Variants in PCYOX1 observed in about 807,000 individuals in gnomAD.
The protein encoded by PCYOX1 is prenylcysteine lyase.
In PCYOX1, 46 loss-of-function variants were observed where a neutral mutation model predicts 46.4. The observed-to-expected ratio is 0.99, with a 90% CI of 0.78 to 1.27. The LOEUF is 1.27. PCYOX1 is among the 50% of genes most tolerant of loss of function. The probability of loss-of-function intolerance (pLI) is 0.00; values close to 1 mark genes in which losing one functional copy is unlikely to be tolerated. For synonymous variants in PCYOX1, 220 were observed against 231.8 expected (o/e 0.95, Z 0.46); for missense variants, 658 against 628.3 (o/e 1.05, Z -0.51).
chr2:70,265,357 A>AT (rs1159227414), intron 3 of PCYOX1, among the ~76,000 whole-genome samples: 5 of 151,858 alleles, frequency 3.3e-5, no homozygotes, highest in Admixed American at 1.3e-4. Context: ...TGCTTGGCTA[A>AT]TTTTTTAAAT....
rs973201204 is a variant in PCYOX1, at chr2:70,279,335, G to T, written c.*1943G>T. ...TTTTATTCTTAACAGATATGTTGAG[G>T]TATTCATATTTGTTTCCTTTTGTGG... On this transcript the variant is annotated 3_prime_UTR_variant, in exon 6 of 6. Coordinates refer to ENST00000433351, the MANE Select transcript of PCYOX1 (RefSeq NM_016297.4). 6.6e-6 allele frequency: 1 copy of T among 152,114 alleles called. No homozygotes were observed. Among genetic ancestry groups the T allele is most frequent in the African/African-American group, 2.4e-5 (1 of 41,410 alleles). The allele number at this position is 152,114 out of a possible 1,614,324, so 9.4% of individuals were successfully genotyped here. A position where few individuals can be genotyped will look rare whatever the true frequency, so the allele number is the denominator to read the frequency against.
At chr2:70,262,953 G>T (rs1326826917) in intron 3 of PCYOX1, among the ~76,000 whole-genome samples, 3 of 152,172 alleles carry the variant, frequency 2.0e-5, no homozygotes, top group Non-Finnish European at 4.4e-5. Context: ...GTTAAGCAGG[G>T]CTGGGCACAG....
intron 4 of PCYOX1, 47 bp downstream of exon 4, chr2:70,275,217 C>T: frequency 1.4e-6 from 2 of 1,420,256 alleles, no homozygotes; most frequent in Non-Finnish European, 2.0e-6. Context: ...CACAGAGGGG[C>T]TTACCTGATG....
At chr2:70,269,902 T>C (rs188217983) in intron 3 of PCYOX1, among the ~76,000 whole-genome samples, 55 of 152,360 alleles carry the variant, frequency 3.6e-4, no homozygotes, top group African/African-American at 1.3e-3. Context: ...AAACTCGTTG[T>C]GTTCTCTCCA....
rs759917758 is a variant in PCYOX1, at chr2:70,277,419, AG to A, written c.*28del. The stretch of plus-strand genomic sequence containing the variant: ...GTGACACACTCCTTTTTCCCCTCCT[AG>A]TTCCAAATGACTATCAGTGGCAAAA... On this transcript the variant is annotated 3_prime_UTR_variant, in exon 6 of 6. Coordinates refer to ENST00000433351, the MANE Select transcript of PCYOX1 (RefSeq NM_016297.4). The A allele has an allele frequency of 2.0e-6, 3 of 1,538,222 alleles. No individual in the cohort carries two copies. Among genetic ancestry groups the A allele is most frequent in the Non-Finnish European group, 2.6e-6 (3 of 1,132,226 alleles).
intron 5 of PCYOX1, among the ~76,000 whole-genome samples, chr2:70,276,352 G>A (rs1288399544): frequency 6.7e-6 from 1 of 148,440 alleles, no homozygotes; most frequent in Non-Finnish European, 1.5e-5. Flanking sequence ...GACTATAGGC[G>A]CCTGCCACCG....
At chr2:70,275,390 C>T (rs1696656217) in intron 4 of PCYOX1, 124 bp from the exon 5 acceptor site, 7 of 1,064,970 alleles carry the variant, frequency 6.6e-6, no homozygotes, top group Non-Finnish European at 8.3e-6. Flanking sequence ...AGATTTTGCT[C>T]CCAGGGGCCA....
At chr2:70,258,128 G>C, upstream of PCYOX1, 3 of 1,504,966 alleles carry the variant, frequency 2.0e-6, no homozygotes, top group Non-Finnish European at 2.7e-6. Context: ...GGAGGACTGC[G>C]GGGCTCTTGA....
rs1198564921 is a variant in PCYOX1 at position 70,280,970 on chromosome 2, A to C, written c.*3578A>C. On this transcript the variant is annotated 3_prime_UTR_variant, in exon 6 of 6. Transcript: ENST00000433351. ...TTTCTTAAGATTAGGTTTATAATAC[A>C]ACCATCTGTAATGTATCTCTCGTTT... 2 of 152,162 alleles carry C rather than the reference A, an allele frequency of 1.3e-5. No individual in the cohort carries two copies. Among genetic ancestry groups the C allele is most frequent in the Non-Finnish European group, 2.9e-5 (2 of 68,038 alleles). The allele number at this position is 152,162 out of a possible 1,614,324, so 9.4% of individuals were successfully genotyped here. A position where few individuals can be genotyped will look rare whatever the true frequency, so the allele number is the denominator to read the frequency against.
At chr2:70,275,244 CT>C in intron 4 of PCYOX1, 74 bp downstream of exon 4, 1 of 1,282,124 alleles carries the variant, frequency 7.8e-7, no homozygotes, top group Non-Finnish European at 1.1e-6. Flanking sequence ...TGGTTCCTGA[CT>C]TTAGGCTGTG....
At chr2:70,275,890 GGAGATCAAGACTAGCCTGGCCAACATA>G (rs911722186) in intron 5 of PCYOX1, among the ~76,000 whole-genome samples, 1 of 152,042 alleles carries the variant, frequency 6.6e-6, no homozygotes, top group Non-Finnish European at 1.5e-5. Flanking sequence ...CCTGAGGTCA[GGAGATCAAGACTAGCCTGGCCAACATA>G]GTTAAACCCT....
chr2:70,274,668 G>A, intron 3 of PCYOX1: 1 of 342,942 alleles, frequency 2.9e-6, no homozygotes, highest in Non-Finnish European at 5.5e-6. Context: ...GGCTCAAGCA[G>A]TCCTCCTGCC....
At chr2:70,265,421 G>T (rs780069942) in intron 3 of PCYOX1, among the ~76,000 whole-genome samples, 1 of 151,928 alleles carries the variant, frequency 6.6e-6, no homozygotes, top group Non-Finnish European at 1.5e-5. Flanking sequence ...GAACTCCTGG[G>T]CTCAAGTGAT....
At position 70,277,648 on chromosome 2, in the gene PCYOX1, A is replaced by G. The variant is rs905938607; in HGVS notation, c.*256A>G. The G allele has an allele frequency of 8.5e-6, 3 of 352,878 alleles. No homozygotes were observed. The highest frequency in any genetic ancestry group is 6.3e-5 in the African/African-American group (3 of 47,682). The allele number at this position is 352,878 out of a possible 1,614,324, so 21.9% of individuals were successfully genotyped here. On this transcript the variant is annotated 3_prime_UTR_variant, in exon 6 of 6. Transcript: ENST00000433351. ...GGAGTTTTTCTTAAACTTGTCTGAT[A>G]ATAAGAATCACCTGGAGTTAGGAGG...
At chr2:70,266,708 A>C (rs1467359020) in intron 3 of PCYOX1, among the ~76,000 whole-genome samples, 2 of 152,104 alleles carry the variant, frequency 1.3e-5, no homozygotes, top group African/African-American at 4.8e-5. Flanking sequence ...TTAACAAAGC[A>C]CATCTTGCAC....
At chr2:70,266,457 A>G (rs1208876916) in intron 3 of PCYOX1, among the ~76,000 whole-genome samples, 1 of 151,166 alleles carries the variant, frequency 6.6e-6, no homozygotes, top group East Asian at 1.9e-4. Context: ...CCGTAAGATT[A>G]TAACTTTTTT....
intron 3 of PCYOX1, among the ~76,000 whole-genome samples, chr2:70,271,271 A>G (rs1157162640): frequency 1.5e-5 from 2 of 129,956 alleles, no homozygotes; most frequent in East Asian, 2.2e-4. Context: ...TATTTTATTT[A>G]TCACTGAAGA....
chr2:70,258,594 G>C (rs1454018725), intron 1 of PCYOX1: 1 of 275,906 alleles, frequency 3.6e-6, no homozygotes. Flanking sequence ...GGGAGGCCTA[G>C]GTTTCTCTAT....
chr2:70,273,863 TG>T (rs777211014), intron 3 of PCYOX1, among the ~76,000 whole-genome samples: 6 of 152,200 alleles, frequency 3.9e-5, no homozygotes, highest in Admixed American at 6.5e-5. Context: ...GTTGAATGAG[TG>T]GCATTGGTGC....
Sources: allele counts gnomAD v4.1 joint callset (sites outside exome capture counted in the v4.1 genomes callset), GRCh38; gene constraint gnomAD v4.1.1; transcripts MANE v1.5; gene names NCBI Gene and HGNC (gene_info 2026-07-23, HGNC 2026-07-21).